The following SEMA6D variants were observed in gnomAD, a reference collection of about 807,000 sequenced individuals.
SEMA6D encodes the protein semaphorin-6D.
SEMA6D carries 35 observed loss-of-function variants against 106.6 expected under a neutral mutation model. The observed-to-expected ratio is 0.33, with a 90% confidence interval of 0.25 to 0.44. SEMA6D has a LOEUF of 0.44. Ranked by LOEUF, SEMA6D falls within the 20% of genes least tolerant of loss-of-function variation. The pLI is 1.00. For missense variants in SEMA6D, 1,185 were observed against 1,345.9 expected, an observed-to-expected ratio of 0.88 and a Z score of 1.87; for synonymous variants, 499 against 487.7, an observed-to-expected ratio of 1.02 and a Z score of -0.31.
At chr15:47,475,607 G>A (rs1166078704) in intron 3 of SEMA6D, among the ~76,000 whole-genome samples, 1 of 152,134 alleles carries the variant, frequency 6.6e-6, no homozygotes, top group East Asian at 1.9e-4. Context: ...TTCCGGATAA[G>A]GACAGAGTTG....
At chr15:47,742,496 A>G (rs1342796215) in intron 1 of SEMA6D, among the ~76,000 whole-genome samples, 1 of 152,202 alleles carries the variant, frequency 6.6e-6, no homozygotes, top group African/African-American at 2.4e-5. Flanking sequence ...AGCAGAAGGT[A>G]TAACCGACCC....
chr15:47,358,291 C>G (rs1284594340), intron 1 of SEMA6D, among the ~76,000 whole-genome samples: 1 of 152,212 alleles, frequency 6.6e-6, no homozygotes, highest in Non-Finnish European at 1.5e-5. Context: ...GGAAGACCCG[C>G]TATGGATGTC....
chr15:47,282,799 C>A (rs966586554), intron 1 of SEMA6D, among the ~76,000 whole-genome samples: 1 of 152,092 alleles, frequency 6.6e-6, no homozygotes, highest in African/African-American at 2.4e-5. Flanking sequence ...TGTCATTGTT[C>A]CTGACATCAG....
At chr15:47,709,251 T>C (rs1275515058) in intron 4 of SEMA6D, among the ~76,000 whole-genome samples, 1 of 152,162 alleles carries the variant, frequency 6.6e-6, no homozygotes, top group African/African-American at 2.4e-5. Context: ...CAGGTTCTGC[T>C]GGAGCAATTA....
intron 1 of SEMA6D, among the ~76,000 whole-genome samples, chr15:47,403,460 G>A (rs2040462302): frequency 6.6e-6 from 1 of 152,122 alleles, no homozygotes; most frequent in Admixed American, 6.5e-5. Context: ...AATTTAGTGA[G>A]CATCTACTTT....
intron 3 of SEMA6D, among the ~76,000 whole-genome samples, chr15:47,528,467 G>T (rs1198800833): frequency 6.6e-6 from 1 of 152,154 alleles, no homozygotes; most frequent in Non-Finnish European, 1.5e-5. Context: ...CATTTAACTT[G>T]TATCTTACTT....
At chr15:47,659,360 TC>T (rs745740333) in intron 4 of SEMA6D, among the ~76,000 whole-genome samples, 15 of 151,734 alleles carry the variant, frequency 9.9e-5, no homozygotes, top group Non-Finnish European at 1.9e-4. Flanking sequence ...CAGGAATTGA[TC>T]AATGCAATTG....
chr15:47,485,330 A>C (rs1438230644), intron 3 of SEMA6D, among the ~76,000 whole-genome samples: 2 of 152,204 alleles, frequency 1.3e-5, no homozygotes, highest in African/African-American at 4.8e-5. Flanking sequence ...CAGGATATCT[A>C]AACATGGTTT....
At chr15:47,372,623 A>G (rs945867984) in intron 1 of SEMA6D, among the ~76,000 whole-genome samples, 1 of 152,158 alleles carries the variant, frequency 6.6e-6, no homozygotes, top group Admixed American at 6.5e-5. Flanking sequence ...ACTCTTTCCC[A>G]TGATTAGGTA....
intron 1 of SEMA6D, among the ~76,000 whole-genome samples, chr15:47,189,358 G>A (rs535118918): frequency 2.0e-5 from 3 of 152,116 alleles, no homozygotes; most frequent in South Asian, 2.1e-4. Flanking sequence ...AGTAGTTAAC[G>A]TTTAAGCACC....
chr15:47,731,335 CAT>C lies in SEMA6D; in HGVS notation c.-55+13645_-55+13646del, dbSNP rs1237285770. On this transcript the variant is annotated intron_variant, in intron 1 of 18. Transcript: ENST00000536845. The stretch of plus-strand genomic sequence containing the variant: ...CTGCCCCCCCGCCCCCGGTTGAACA[CAT>C]AGAACTGAGAAGGCAAATGAGTTTC... Among the ~76,000 whole-genome samples the C allele has an allele frequency of 2.0e-5, 3 of 151,466 alleles. No homozygotes were observed. In the East Asian group the frequency reaches 5.8e-4, roughly 29 times the overall value.
At chr15:47,479,420 G>A (rs1449208595) in intron 3 of SEMA6D, among the ~76,000 whole-genome samples, 2 of 152,096 alleles carry the variant, frequency 1.3e-5, no homozygotes, top group African/African-American at 4.8e-5. Flanking sequence ...TTTTGAGGTT[G>A]ACTTTTTCTG....
At chr15:47,652,725 C>T (rs2077717102) in intron 4 of SEMA6D, among the ~76,000 whole-genome samples, 2 of 152,134 alleles carry the variant, frequency 1.3e-5, no homozygotes, top group Non-Finnish European at 1.5e-5. Context: ...AAAGCAAGGT[C>T]CAAAGGAAGG....
intron 1 of SEMA6D, among the ~76,000 whole-genome samples, chr15:47,227,881 TCATATATATTTTATATATATAAGAA>T (rs2031853870): frequency 7.0e-6 from 1 of 143,876 alleles, no homozygotes; most frequent in Admixed American, 7.2e-5. Flanking sequence ...TATATAAGAA[TCATATATATTTTATATATATAAGAA>T]TCTTATATAT....
intron 4 of SEMA6D, among the ~76,000 whole-genome samples, chr15:47,647,383 C>T (rs571567633): frequency 4.6e-5 from 7 of 152,252 alleles, no homozygotes; most frequent in Non-Finnish European, 7.3e-5. Context: ...ATTACATGAT[C>T]GGAATTGTAT....
chr15:47,469,651 T>C (rs2042771670), intron 2 of SEMA6D, among the ~76,000 whole-genome samples: 1 of 152,160 alleles, frequency 6.6e-6, no homozygotes, highest in Non-Finnish European at 1.5e-5. Flanking sequence ...TCATATGCCA[T>C]GTACTTTGCT....
At chr15:47,353,010 G>T (rs1467601349) in intron 1 of SEMA6D, among the ~76,000 whole-genome samples, 1 of 152,068 alleles carries the variant, frequency 6.6e-6, no homozygotes, top group Non-Finnish European at 1.5e-5. Flanking sequence ...CACAGATGTC[G>T]TAAGAGGTAC....
chr15:47,314,787 T>TGG (rs1346121673), intron 1 of SEMA6D, among the ~76,000 whole-genome samples: 2 of 151,140 alleles, frequency 1.3e-5, no homozygotes, highest in Non-Finnish European at 2.9e-5. Flanking sequence ...TATTATCTCA[T>TGG]GGATCCTGCC....
intron 2 of SEMA6D, among the ~76,000 whole-genome samples, chr15:47,457,026 C>T (rs1014599459): frequency 2.0e-5 from 3 of 151,976 alleles, no homozygotes; most frequent in African/African-American, 7.2e-5. Flanking sequence ...CAAGAGATCA[C>T]ATAAGGCTGG....
Sources: allele counts gnomAD v4.1 joint callset (sites outside exome capture counted in the v4.1 genomes callset), GRCh38; gene constraint gnomAD v4.1.1; transcripts MANE v1.5; gene names NCBI Gene and HGNC (gene_info 2026-07-23, HGNC 2026-07-21).